CERS6: variants seen among roughly 807,000 people sequenced by gnomAD.
CERS6 encodes LAG1 homolog, ceramide synthase 6.
A neutral mutation model predicts 56.8 loss-of-function variants in CERS6; 26 were observed. That is an observed-to-expected ratio of 0.46 (90% CI 0.34 to 0.63). CERS6 has a LOEUF of 0.63. CERS6 is among the 30% of genes least tolerant of loss of function. The pLI, the probability that CERS6 is intolerant of heterozygous loss-of-function variation, is 0.01. For synonymous variants in CERS6, 164 were observed against 173.3 expected (o/e 0.95, Z 0.42); for missense variants, 415 against 467.5 (o/e 0.89, Z 1.04).
chr2:168,686,430 C>T (rs561843259), intron 4 of CERS6, among the ~76,000 whole-genome samples: 16 of 131,732 alleles, frequency 1.2e-4, no homozygotes, highest in South Asian at 5.2e-4. Context: ...AATAAAAAGA[C>T]GCAATTTCTG....
chr2:168,764,885 C>T (rs959764304), intron 8 of CERS6, among the ~76,000 whole-genome samples: 3 of 151,994 alleles, frequency 2.0e-5, no homozygotes, highest in African/African-American at 7.2e-5. Context: ...GGTATATGCC[C>T]GAAAGATACA....
chr2:168,769,046 A>G (rs1008711348), intron 9 of CERS6, among the ~76,000 whole-genome samples: 2 of 150,842 alleles, frequency 1.3e-5, no homozygotes, highest in Non-Finnish European at 3.0e-5. Context: ...AAAAAGCCAA[A>G]TAGGAATTTT....
intron 8 of CERS6, among the ~76,000 whole-genome samples, chr2:168,731,057 C>A (rs1031193629): frequency 2.6e-5 from 4 of 152,120 alleles, no homozygotes; most frequent in African/African-American, 9.7e-5. Flanking sequence ...TACAGAAGTA[C>A]TGTTTTAATC....
chr2:168,679,899 G>T (rs1686166803), intron 4 of CERS6, among the ~76,000 whole-genome samples: 1 of 152,172 alleles, frequency 6.6e-6, no homozygotes, highest in Non-Finnish European at 1.5e-5. Flanking sequence ...CCTTTAAGCT[G>T]CAGCCTCCTA....
chr2:168,456,493 C>G lies in CERS6; in HGVS notation c.45C>G (p.Leu15=). ...LAWFWNERFW[L]PHNVTWADLK... is the part of the protein sequence containing the mutation. Reference sequence around the variant, plus strand: ...GGTTCTGGAACGAGAGGTTTTGGCTCCCGCACAATGTCACCTGGGCGGACC... The same window carrying G: ...GGTTCTGGAACGAGAGGTTTTGGCTGCCGCACAATGTCACCTGGGCGGACC... Residue 15 remains leucine, a synonymous_variant, in exon 1 of 10, where the codon CTC becomes CTG. Transcript: ENST00000305747. The surrounding 1 kb of genome is among the most constrained non-coding windows in gnomAD (Gnocchi z 4.1). 1.2e-6 allele frequency: 2 copies of G among 1,613,956 alleles called. No homozygotes were observed. The highest frequency in any genetic ancestry group is 1.7e-6 in the Non-Finnish European group (2 of 1,179,884).
chr2:168,475,089 C>A (rs1038798267), intron 1 of CERS6, among the ~76,000 whole-genome samples: 9 of 152,044 alleles, frequency 5.9e-5, no homozygotes, highest in African/African-American at 1.5e-4. Flanking sequence ...ATTGCCTGTC[C>A]CACCCTACCT....
chr2:168,646,117 C>T (rs2105312030), intron 4 of CERS6, among the ~76,000 whole-genome samples: 1 of 152,314 alleles, frequency 6.6e-6, no homozygotes, highest in Non-Finnish European at 1.5e-5. Flanking sequence ...AATTGCCATA[C>T]TGCTTTCCAC....
chr2:168,614,151 A>G (rs1425590709), intron 3 of CERS6, among the ~76,000 whole-genome samples: 1 of 152,230 alleles, frequency 6.6e-6, no homozygotes, highest in Non-Finnish European at 1.5e-5. Flanking sequence ...TAGAAAATAC[A>G]AATTATTGGT....
At chr2:168,494,766 G>A (rs1393469131) in intron 1 of CERS6, among the ~76,000 whole-genome samples, 1 of 152,094 alleles carries the variant, frequency 6.6e-6, no homozygotes, top group African/African-American at 2.4e-5. Flanking sequence ...TTAAAAGCAT[G>A]GAATATCGAT....
At chr2:168,588,739 G>A (rs1683604749) in intron 3 of CERS6, among the ~76,000 whole-genome samples, 1 of 152,170 alleles carries the variant, frequency 6.6e-6, no homozygotes, top group Non-Finnish European at 1.5e-5. Context: ...TCAAGACCCT[G>A]CTTTCAGTTC....
At chr2:168,758,043 G>A (rs1036058318) in intron 8 of CERS6, among the ~76,000 whole-genome samples, 4 of 152,150 alleles carry the variant, frequency 2.6e-5, no homozygotes, top group African/African-American at 7.2e-5. Context: ...CGACTTTCAG[G>A]TTTTAAATGC....
rs919406291 is a variant in CERS6, at chr2:168,611,647, C to T, written c.408-19338C>T. Among the ~76,000 whole-genome samples, 4 of 152,200 alleles carry T rather than the reference C, an allele frequency of 2.6e-5. No homozygotes were observed. In the East Asian group the frequency reaches 5.8e-4, roughly 22 times the overall value. ...CTGTACTTTTCACTTTCCAGCCCTA[C>T]TAAATTTTACACTTAACATTTTCAG... On this transcript the variant is annotated intron_variant, in intron 3 of 9. Transcript: ENST00000305747.
intron 1 of CERS6, among the ~76,000 whole-genome samples, chr2:168,518,508 A>T (rs925123381): frequency 1.1e-4 from 16 of 152,108 alleles, no homozygotes; most frequent in African/African-American, 3.9e-4. Context: ...CTCTATGTAT[A>T]TGTTTGTCTT....
intron 3 of CERS6, among the ~76,000 whole-genome samples, chr2:168,581,988 C>T (rs1246755792): frequency 6.6e-6 from 1 of 152,206 alleles, no homozygotes; most frequent in Non-Finnish European, 1.5e-5. Context: ...CCCAGGCCCA[C>T]CTGGGCTAAC....
At chr2:168,534,877 TAGG>T (rs1695232177) in intron 1 of CERS6, among the ~76,000 whole-genome samples, 2 of 152,160 alleles carry the variant, frequency 1.3e-5, no homozygotes. Flanking sequence ...CCCCTCCCAC[TAGG>T]AGATTAGGTC....
intron 2 of CERS6, among the ~76,000 whole-genome samples, chr2:168,558,527 TATA>T (rs1439106114): frequency 6.6e-6 from 1 of 152,238 alleles, no homozygotes. Context: ...CAAGGGGTGA[TATA>T]ATAATATATA....
chr2:168,755,826 G>A (rs530592829), intron 8 of CERS6, among the ~76,000 whole-genome samples: 144 of 152,278 alleles, frequency 9.5e-4, no homozygotes, highest in Non-Finnish European at 1.8e-3. Context: ...GAATGACCAA[G>A]ATTTTCTACT....
intron 2 of CERS6, among the ~76,000 whole-genome samples, chr2:168,551,668 A>G (rs1235498644): frequency 2.6e-5 from 4 of 152,104 alleles, no homozygotes; most frequent in South Asian, 2.1e-4. Context: ...CCATATTTTG[A>G]TTTGCATTTA....
At chr2:168,747,147 A>C (rs1684131571) in intron 8 of CERS6, among the ~76,000 whole-genome samples, 1 of 152,038 alleles carries the variant, frequency 6.6e-6, no homozygotes, top group Non-Finnish European at 1.5e-5. Flanking sequence ...TTAACCGAGC[A>C]TGATGGTGCA....
Sources: gnomAD v4.1 joint callset for allele counts (sites outside exome capture counted in the v4.1 genomes callset) on GRCh38, gnomAD v4.1.1 for gene constraint, Gnocchi (gnomAD v3.1) non-coding constraint, MANE v1.5 for transcripts, NCBI Gene and HGNC (gene_info 2026-07-23, HGNC 2026-07-21) for gene names.